Variants in JPH3 observed in about 807,000 individuals in gnomAD.
JPH3 encodes the protein junctophilin-3.
Under a neutral mutation model 59.6 loss-of-function variants are expected in JPH3, and 11 were observed. The observed-to-expected ratio is 0.18, with a 90% CI of 0.12 to 0.31. JPH3 has a LOEUF of 0.31. Ranked by LOEUF, JPH3 falls within the 10% of genes least tolerant of loss-of-function variation. JPH3 has a pLI of 1.00. For missense variants in JPH3, 1,202 were observed against 1,105.7 expected, an observed-to-expected ratio of 1.09 and a Z score of -1.24; for synonymous variants, 673 against 483.6, an observed-to-expected ratio of 1.39 and a Z score of -5.14.
chr16:87,683,669 C>T (rs576094592), intron 2 of JPH3, among the ~76,000 whole-genome samples: 4 of 150,444 alleles, frequency 2.7e-5, no homozygotes, highest in African/African-American at 7.3e-5. Flanking sequence ...TGCAGTGACG[C>T]GATCTCAGCT....
At chr16:87,677,172 C>T (rs2033162940) in intron 2 of JPH3, among the ~76,000 whole-genome samples, 1 of 124,686 alleles carries the variant, frequency 8.0e-6, no homozygotes, top group South Asian at 2.5e-4. Context: ...CACACACACG[C>T]ACTATATATA....
chr16:87,683,989 A>G (rs1461238508), intron 2 of JPH3, 153 bp from the exon 3 acceptor site: 3 of 619,468 alleles, frequency 4.8e-6, no homozygotes, highest in Non-Finnish European at 8.8e-6. Context: ...GAATGAATGA[A>G]CGAACAAGAT....
intron 1 of JPH3, among the ~76,000 whole-genome samples, chr16:87,634,303 CAG>C (rs1020657484): frequency 3.7e-4 from 57 of 152,178 alleles, no homozygotes; most frequent in African/African-American, 1.3e-3. Context: ...GCATCCTGGG[CAG>C]AGAGTGGGTA....
chr16:87,686,573 G>A (rs765315843), intron 3 of JPH3, among the ~76,000 whole-genome samples: 1 of 149,638 alleles, frequency 6.7e-6, no homozygotes, highest in Non-Finnish European at 1.5e-5. Context: ...CTCAGTCCTG[G>A]AGTCAGAGAT....
chr16:87,630,813 G>C (rs2031542871), intron 1 of JPH3, among the ~76,000 whole-genome samples: 1 of 152,128 alleles, frequency 6.6e-6, no homozygotes, highest in Non-Finnish European at 1.5e-5. Context: ...TCCTACTGTA[G>C]TAGATGGAGA....
intron 1 of JPH3, among the ~76,000 whole-genome samples, chr16:87,622,241 G>A (rs2031212265): frequency 6.6e-6 from 1 of 152,212 alleles, no homozygotes; most frequent in Admixed American, 6.5e-5. Context: ...TGCGTCTCCA[G>A]GACTCTTGGG....
intron 2 of JPH3, among the ~76,000 whole-genome samples, chr16:87,658,558 A>G (rs1190784902): frequency 2.0e-5 from 3 of 149,870 alleles, no homozygotes; most frequent in Non-Finnish European, 4.4e-5. Flanking sequence ...TCTCTCCCCA[A>G]CCCCCCTGTT....
At chr16:87,640,259 G>A (rs1468605371) in intron 1 of JPH3, among the ~76,000 whole-genome samples, 6 of 151,636 alleles carry the variant, frequency 4.0e-5, no homozygotes, top group African/African-American at 1.5e-4. Context: ...AACCTGGGAG[G>A]CAAAGGTTAC....
intron 2 of JPH3, among the ~76,000 whole-genome samples, chr16:87,664,127 T>A (rs142915620): frequency 9.2e-5 from 14 of 151,558 alleles, no homozygotes; most frequent in African/African-American, 3.4e-4. Flanking sequence ...GTCAGCAGAT[T>A]GATAGCATCC....
At chr16:87,695,667 C>G (rs2033803926) in intron 4 of JPH3, 6 of 455,990 alleles carry the variant, frequency 1.3e-5, no homozygotes, top group African/African-American at 2.0e-5. Flanking sequence ...GGTACTGTAT[C>G]TGTAGGGCAG....
At chr16:87,692,060 T>C (rs371921463) in intron 4 of JPH3, among the ~76,000 whole-genome samples, 74 of 152,140 alleles carry the variant, frequency 4.9e-4, no homozygotes, top group Non-Finnish European at 3.4e-4. Context: ...GCTGCCCTGG[T>C]CCTGCCCGGT....
chr16:87,667,809 TTTGTTTTG>T (rs2032910222), intron 2 of JPH3, among the ~76,000 whole-genome samples: 1 of 150,632 alleles, frequency 6.6e-6, no homozygotes, highest in Admixed American at 6.6e-5. Context: ...TCTGTTTTTG[TTTGTTTTG>T]TTTTGTTTTG....
At chr16:87,643,802 T>A (rs12596575) in intron 1 of JPH3, among the ~76,000 whole-genome samples, 3 of 151,858 alleles carry the variant, frequency 2.0e-5, no homozygotes, top group Non-Finnish European at 4.4e-5. Flanking sequence ...TGTAGGAAGG[T>A]ACCATGGTCT....
chr16:87,643,857 A>G (rs1457028767), intron 1 of JPH3, among the ~76,000 whole-genome samples: 2 of 152,202 alleles, frequency 1.3e-5, no homozygotes, highest in Admixed American at 1.3e-4. Flanking sequence ...AAGATAGCAC[A>G]CCAGGAGTGG....
At chr16:87,624,610 G>A (rs2031304370) in intron 1 of JPH3, among the ~76,000 whole-genome samples, 1 of 152,200 alleles carries the variant, frequency 6.6e-6, no homozygotes, top group Admixed American at 6.5e-5. Context: ...TGGGCTGTTT[G>A]CCAGCCCTGG....
intron 2 of JPH3, among the ~76,000 whole-genome samples, chr16:87,661,129 C>T (rs189380682): frequency 1.1e-4 from 16 of 152,300 alleles, no homozygotes; most frequent in South Asian, 2.1e-4. Context: ...TTCCAGAGGC[C>T]GCCTGCGTTC....
intron 1 of JPH3, among the ~76,000 whole-genome samples, chr16:87,637,374 C>T (rs570334727): frequency 2.4e-4 from 36 of 150,460 alleles, no homozygotes; most frequent in African/African-American, 8.3e-4. Flanking sequence ...TCTGGATTTA[C>T]CTGTTCATGT....
chr16:87,640,846 G>A (rs1460454184), intron 1 of JPH3, among the ~76,000 whole-genome samples: 1 of 152,230 alleles, frequency 6.6e-6, no homozygotes, highest in Non-Finnish European at 1.5e-5. Flanking sequence ...GTCGCTGAGG[G>A]TGCAGTCTTG....
At chr16:87,674,460 G>A (rs2033096298) in intron 2 of JPH3, among the ~76,000 whole-genome samples, 1 of 152,256 alleles carries the variant, frequency 6.6e-6, no homozygotes, top group African/African-American at 2.4e-5. Context: ...GTCTTGTGCA[G>A]ACATGAAAAA....
Sources: allele counts gnomAD v4.1 joint callset (sites outside exome capture counted in the v4.1 genomes callset), GRCh38; gene constraint gnomAD v4.1.1; transcripts MANE v1.5; gene names NCBI Gene and HGNC (gene_info 2026-07-23, HGNC 2026-07-21).